ATP10B: variants seen among roughly 807,000 people sequenced by gnomAD.
The protein encoded by ATP10B is phospholipid-transporting ATPase VB.
A neutral mutation model predicts 141.2 loss-of-function variants in ATP10B; 122 were observed. The observed-to-expected ratio is 0.86, with a 90% CI of 0.75 to 1.00. ATP10B has a LOEUF of 1.00. Among genes scored for constraint, ATP10B ranks in the 50% least tolerant of loss-of-function variants. The probability of loss-of-function intolerance (pLI) is 0.00; values close to 1 mark genes in which losing one functional copy is unlikely to be tolerated. For synonymous variants in ATP10B, 685 were observed against 692.0 expected, an observed-to-expected ratio of 0.99 and a Z score of 0.16; for missense variants, 1,876 against 1,825.3, an observed-to-expected ratio of 1.03 and a Z score of -0.51.
chr5:160,725,279 G>A (rs1293330810), intron 2 of ATP10B, among the ~76,000 whole-genome samples: 1 of 152,118 alleles, frequency 6.6e-6, no homozygotes, highest in African/African-American at 2.4e-5. Flanking sequence ...ATCTTTGGTT[G>A]AGTTCACTCA....
intron 1 of ATP10B, among the ~76,000 whole-genome samples, chr5:160,838,634 T>A (rs890563991): frequency 6.6e-6 from 1 of 152,170 alleles, no homozygotes; most frequent in East Asian, 1.9e-4. Context: ...TGGTTAGTAA[T>A]GTACATACTT....
the ATP10B span, among the ~76,000 whole-genome samples, chr5:160,887,794 A>G: frequency 3.3e-5 from 5 of 152,108 alleles, no homozygotes; most frequent in Non-Finnish European, 7.3e-5. Context: ...GGTCCTTGTC[A>G]AGGGCCAACT....
chr5:160,857,337 A>G, the ATP10B span, among the ~76,000 whole-genome samples: 3 of 150,714 alleles, frequency 2.0e-5, no homozygotes, highest in African/African-American at 4.9e-5. Context: ...AGAGTTGTCT[A>G]TATTATTTTC....
chr5:160,776,824 T>C (rs1009057808), intron 2 of ATP10B, among the ~76,000 whole-genome samples: 1 of 152,250 alleles, frequency 6.6e-6, no homozygotes, highest in Non-Finnish European at 1.5e-5. Flanking sequence ...GATTTCTCTG[T>C]GTGTTTTTGA....
chr5:160,806,228 C>T (rs1772763022), intron 1 of ATP10B, among the ~76,000 whole-genome samples: 1 of 152,202 alleles, frequency 6.6e-6, no homozygotes, highest in Non-Finnish European at 1.5e-5. Flanking sequence ...ATCCTGTAGT[C>T]TAGTCAAATT....
chr5:160,766,175 C>T (rs1014267391), intron 2 of ATP10B, among the ~76,000 whole-genome samples: 3 of 152,096 alleles, frequency 2.0e-5, no homozygotes, highest in African/African-American at 7.2e-5. Flanking sequence ...GTAGAACTAC[C>T]ATTTGATTCA....
intron 2 of ATP10B, among the ~76,000 whole-genome samples, chr5:160,719,611 A>T (rs1032983336): frequency 6.6e-6 from 1 of 152,252 alleles, no homozygotes; most frequent in African/African-American, 2.4e-5. Flanking sequence ...GGCATAGGAC[A>T]TTCAAGAGAT....
intron 1 of ATP10B, among the ~76,000 whole-genome samples, chr5:160,815,131 A>G (rs559713728): frequency 1.3e-5 from 2 of 152,200 alleles, no homozygotes; most frequent in African/African-American, 4.8e-5. Context: ...ATTCACACAT[A>G]ACAATATTAA....
chr5:160,588,202 A>G (rs890231139), intron 24 of ATP10B, among the ~76,000 whole-genome samples: 3 of 152,076 alleles, frequency 2.0e-5, no homozygotes, highest in African/African-American at 4.8e-5. Flanking sequence ...AGACAATTTT[A>G]CTTTCTCTCT....
chr5:160,638,378 C>A (rs963804967), intron 10 of ATP10B, among the ~76,000 whole-genome samples: 1 of 152,084 alleles, frequency 6.6e-6, no homozygotes, highest in Non-Finnish European at 1.5e-5. Flanking sequence ...TCTCAAATGT[C>A]TTTTTCACGC....
chr5:160,834,983 G>A (rs769224276), intron 1 of ATP10B, among the ~76,000 whole-genome samples: 29 of 152,106 alleles, frequency 1.9e-4, no homozygotes, highest in Non-Finnish European at 3.2e-4. Context: ...TATTTTGTGT[G>A]TTCCATTGAA....
At chr5:160,864,251 C>T in the ATP10B span, among the ~76,000 whole-genome samples, 1 of 152,006 alleles carries the variant, frequency 6.6e-6, no homozygotes, top group Non-Finnish European at 1.5e-5. Flanking sequence ...GTGTTTCATA[C>T]CAGCCATGCA....
At chr5:160,756,447 C>T (rs1330595946) in intron 2 of ATP10B, among the ~76,000 whole-genome samples, 1 of 152,082 alleles carries the variant, frequency 6.6e-6, no homozygotes, top group Non-Finnish European at 1.5e-5. Flanking sequence ...AAGAAGTGGC[C>T]AGATTGTTTA....
the ATP10B span, among the ~76,000 whole-genome samples, chr5:160,872,066 T>C: frequency 1.3e-5 from 2 of 151,992 alleles, no homozygotes; most frequent in East Asian, 1.9e-4. Flanking sequence ...ACTATTTTGA[T>C]TCTTGAATTA....
the ATP10B span, among the ~76,000 whole-genome samples, chr5:160,858,931 T>C: frequency 1.3e-5 from 2 of 151,970 alleles, no homozygotes; most frequent in Non-Finnish European, 2.9e-5. Context: ...CGTGTCATAA[T>C]TTTTACTTCA....
chr5:160,897,618 AGT>A, the ATP10B span, among the ~76,000 whole-genome samples: 10 of 152,206 alleles, frequency 6.6e-5, no homozygotes, highest in Non-Finnish European at 1.0e-4. Context: ...TACTGCCCAA[AGT>A]AGTTTATAGA....
the ATP10B span, among the ~76,000 whole-genome samples, chr5:160,898,084 A>G: frequency 6.6e-6 from 1 of 151,870 alleles, no homozygotes; most frequent in Non-Finnish European, 1.5e-5. Flanking sequence ...AACCGTAAAA[A>G]CTAAAAGGTA....
At chr5:160,882,713 G>A in the ATP10B span, among the ~76,000 whole-genome samples, 39 of 152,180 alleles carry the variant, frequency 2.6e-4, no homozygotes, top group Non-Finnish European at 4.4e-4. Context: ...GGTAAATACC[G>A]TAAAGAAAAA....
chr5:160,728,186 C>T (rs950889163), intron 2 of ATP10B, among the ~76,000 whole-genome samples: 2 of 151,990 alleles, frequency 1.3e-5, no homozygotes, highest in Non-Finnish European at 2.9e-5. Context: ...AGAATGTAAC[C>T]ATTCACCTTA....
Sources: allele counts gnomAD v4.1 joint callset (sites outside exome capture counted in the v4.1 genomes callset), GRCh38; gene constraint gnomAD v4.1.1; transcripts MANE v1.5; gene names NCBI Gene and HGNC (gene_info 2026-07-23, HGNC 2026-07-21).